TCP10L: variants seen among roughly 807,000 people sequenced by gnomAD.
TCP10L encodes the protein T-complex protein 10A homolog 1.
In TCP10L, 11 loss-of-function variants were observed where a neutral mutation model predicts 19.2. The observed-to-expected ratio is 0.57, with a 90% CI of 0.36 to 0.95. TCP10L has a LOEUF of 0.95. Among genes scored for constraint, TCP10L ranks in the 40% least tolerant of loss-of-function variants. The pLI is 0.01. For missense variants in TCP10L, 247 were observed against 263.9 expected (o/e 0.94, Z 0.44); for synonymous variants, 96 against 97.2 (o/e 0.99, Z 0.07).
At chr21:32,580,402 A>G (rs57204342) in intron 3 of TCP10L, among the ~76,000 whole-genome samples, 50,534 of 151,308 alleles carry the variant, frequency 0.33, 8,935 homozygotes, top group African/African-American at 0.45. Flanking sequence ...CACCGCGCCC[A>G]GCTGTGGCTG....
intron 3 of TCP10L, among the ~76,000 whole-genome samples, chr21:32,580,798 G>A (rs1227980492): frequency 3.3e-5 from 5 of 152,150 alleles, no homozygotes; most frequent in Non-Finnish European, 7.3e-5. Context: ...TTCTTTGAGC[G>A]GTGTGATCAA....
At chr21:32,579,737 T>G (rs2038471170) in intron 3 of TCP10L, among the ~76,000 whole-genome samples, 1 of 152,216 alleles carries the variant, frequency 6.6e-6, no homozygotes, top group South Asian at 2.1e-4. Flanking sequence ...AGGGTAATTG[T>G]TATACAATGA....
rs928265160 is a variant in TCP10L at position 32,582,106 on chromosome 21, T to C, written c.360+94A>G. 38 of 1,403,138 alleles carry C rather than the reference T, an allele frequency of 2.7e-5. No individual in the cohort carries two copies. Among genetic ancestry groups the C allele is most frequent in the African/African-American group, 5.7e-5 (4 of 70,074 alleles). The allele number at this position is 1,403,138 out of a possible 1,614,324, so 86.9% of individuals were successfully genotyped here. A position where few individuals can be genotyped will look rare whatever the true frequency, so the allele number is the denominator to read the frequency against. On this transcript the variant is annotated intron_variant, in intron 3 of 4. Coordinates refer to ENST00000300258, the MANE Select transcript of TCP10L (RefSeq NM_144659.7). The surrounding 1 kb of genome is among the most constrained non-coding windows in gnomAD (Gnocchi z 4.2). ...CTCCCACCACCCGGAGCGTGAGTGA[T>C]ACCGCGTCATTCAGCAATAAAGCCC...
At position 32,575,757 on chromosome 21, in the gene TCP10L, A is replaced by T. The variant is rs1193553112; in HGVS notation, c.*1017T>A. 6.5e-6 allele frequency: 1 copy of T among 153,232 alleles called. No homozygotes were observed. The highest frequency in any genetic ancestry group is 2.4e-5 in the African/African-American group (1 of 41,482). 9.5% of individuals were successfully genotyped at this position (153,232 alleles called of 1,614,324 possible). On this transcript the variant is annotated 3_prime_UTR_variant, in exon 5 of 5. Coordinates refer to ENST00000300258, the MANE Select transcript of TCP10L (RefSeq NM_144659.7). ...CTCGTCTCCTCCCCGTGAGACCCGC[A>T]ATGCAGGAAGCACCCACAGCTGCAT...
chr21:32,582,489 AG>A lies in TCP10L; in HGVS notation c.145-75del. 7.0e-7 allele frequency: 1 copy of A among 1,421,700 alleles called. No homozygotes were observed. The allele number at this position is 1,421,700 out of a possible 1,614,324, so 88.1% of individuals were successfully genotyped here. On this transcript the variant is annotated intron_variant, in intron 2 of 4. Coordinates refer to ENST00000300258, the MANE Select transcript of TCP10L (RefSeq NM_144659.7). The surrounding 1 kb of genome is among the most constrained non-coding windows in gnomAD (Gnocchi z 4.2). ...GGCACATTTATCTGCAAAATACTCA[AG>A]CCCTCTCTGATGTAAGACCAACACT...
chr21:32,576,382 C>CT lies in TCP10L; in HGVS notation c.*391dup. 1 of 1,156,164 alleles carries CT rather than the reference C, an allele frequency of 8.6e-7. No homozygotes were observed. The highest frequency in any genetic ancestry group is 1.2e-6 in the Non-Finnish European group (1 of 817,036). The allele number at this position is 1,156,164 out of a possible 1,614,324, so 71.6% of individuals were successfully genotyped here. The stretch of plus-strand genomic sequence containing the variant: ...ACAAGGTCCCTGGAGCGGGCAATGC[C>CT]TTGAGCCCAAAGGCTGGGAGCACAA... On this transcript the variant is annotated 3_prime_UTR_variant, in exon 5 of 5. Transcript: ENST00000300258.
rs764165842 is a variant in TCP10L at position 32,582,429 on chromosome 21, GAGAACACC to G, written c.145-22_145-15del. 8.1e-6 allele frequency: 13 copies of G among 1,603,380 alleles called. No homozygotes were observed. The highest frequency in any genetic ancestry group is 1.1e-5 in the Non-Finnish European group (13 of 1,176,682). On this transcript the variant is annotated splice_polypyrimidine_tract_variant and intron_variant, in intron 2 of 4. Coordinates refer to ENST00000300258, the MANE Select transcript of TCP10L (RefSeq NM_144659.7). This position sits in a 1 kb window ranked among gnomAD's most constrained non-coding sequence, Gnocchi z 4.2. ...CTGCTGTAATGGCTGTTATTGGGAA[GAGAACACC>G]AGAAAAACCTCTCAGATGTCACAAT...
chr21:32,577,830 G>C (rs2038451796), intron 4 of TCP10L, among the ~76,000 whole-genome samples: 1 of 152,228 alleles, frequency 6.6e-6, no homozygotes, highest in Non-Finnish European at 1.5e-5. Context: ...TCAGAGCTGA[G>C]AGCCGTGAAC....
In TCP10L at chr21:32,578,241, G is replaced by T. The variant is rs1328579570; in HGVS notation, c.498+453C>A. On this transcript the variant is annotated intron_variant, in intron 4 of 4. Transcript: ENST00000300258. The surrounding 1 kb of genome is among the most constrained non-coding windows in gnomAD (Gnocchi z 4.2). The stretch of plus-strand genomic sequence containing the variant: ...AAGAGACAAAATAGCATCCTGTACT[G>T]TGGCTCCCAAGCTAACAGCGCCACC... Among the ~76,000 whole-genome samples the T allele has an allele frequency of 6.6e-6, 1 of 152,236 alleles. No homozygotes were observed. Among genetic ancestry groups the T allele is most frequent in the African/African-American group, 2.4e-5 (1 of 41,468 alleles).
chr21:32,575,577 C>T lies in TCP10L; in HGVS notation c.*1197G>A. The T allele has an allele frequency of 6.6e-6, 1 of 152,616 alleles. No individual in the cohort carries two copies. Among genetic ancestry groups the T allele is most frequent in the East Asian group, 1.9e-4 (1 of 5,180 alleles). The allele number at this position is 152,616 out of a possible 1,614,324, so 9.5% of individuals were successfully genotyped here. The stretch of plus-strand genomic sequence containing the variant: ...GCTTGGGCTGTGCTGTGCATAAGGG[C>T]CACACCTGAAGCTCGGCCACACCTG... On this transcript the variant is annotated 3_prime_UTR_variant, in exon 5 of 5. Transcript: ENST00000300258.
Position 32,578,557 on chromosome 21 carries a change from T to A in TCP10L, c.498+137A>T. ...GTTTGAAAGGCATGTACCCGTGTCC[T>A]TGGAAGAACACAGGACTCCAGGGAG... On this transcript the variant is annotated intron_variant, in intron 4 of 4. Transcript: ENST00000300258. This position sits in a 1 kb window ranked among gnomAD's most constrained non-coding sequence, Gnocchi z 4.2. The A allele has an allele frequency of 7.5e-7, 1 of 1,341,852 alleles. No individual in the cohort carries two copies. The highest frequency in any genetic ancestry group is 1.0e-6 in the Non-Finnish European group (1 of 977,954). The allele number at this position is 1,341,852 out of a possible 1,614,324, so 83.1% of individuals were successfully genotyped here. A position where few individuals can be genotyped will look rare whatever the true frequency, so the allele number is the denominator to read the frequency against.
At chr21:32,579,763 A>G (rs1431613234) in intron 3 of TCP10L, among the ~76,000 whole-genome samples, 1 of 152,212 alleles carries the variant, frequency 6.6e-6, no homozygotes, top group Non-Finnish European at 1.5e-5. Context: ...ATGGGGCAGT[A>G]GATACTATTT....
At position 32,576,369 on chromosome 21, in the gene TCP10L, G is replaced by C; in HGVS notation, c.*405C>G. 1 of 1,293,770 alleles carries C rather than the reference G, an allele frequency of 7.7e-7. No individual in the cohort carries two copies. The highest frequency in any genetic ancestry group is 1.1e-6 in the Non-Finnish European group (1 of 930,142). The allele number at this position is 1,293,770 out of a possible 1,614,324, so 80.1% of individuals were successfully genotyped here. On this transcript the variant is annotated 3_prime_UTR_variant, in exon 5 of 5. Transcript: ENST00000300258. ...GGCCCGCCTTGTCACAAGGTCCCTG[G>C]AGCGGGCAATGCCTTGAGCCCAAAG... is the stretch of plus-strand genomic sequence containing the variant.
chr21:32,582,557 C>A lies in TCP10L; in HGVS notation c.145-142G>T. 2 of 691,052 alleles carry A rather than the reference C, an allele frequency of 2.9e-6. No individual in the cohort carries two copies. Among genetic ancestry groups the A allele is most frequent in the Non-Finnish European group, 2.4e-6 (1 of 417,034 alleles). 42.8% of individuals were successfully genotyped at this position (691,052 alleles called of 1,614,324 possible). ...ACACCCGATGAGATAAACAGGACTACCACAGCCTTTTTCTTTCTTCTTTCT... is the reference window on the plus strand; with the variant it reads ...ACACCCGATGAGATAAACAGGACTAACACAGCCTTTTTCTTTCTTCTTTCT... On this transcript the variant is annotated intron_variant, in intron 2 of 4. Coordinates refer to ENST00000300258, the MANE Select transcript of TCP10L (RefSeq NM_144659.7). The surrounding 1 kb of genome is among the most constrained non-coding windows in gnomAD (Gnocchi z 4.2).
chr21:32,578,677 T>C lies in TCP10L; in HGVS notation c.498+17A>G, dbSNP rs537075561. On this transcript the variant is annotated intron_variant, in intron 4 of 4. Transcript: ENST00000300258. The surrounding 1 kb of genome is among the most constrained non-coding windows in gnomAD (Gnocchi z 4.2). ...AACCTCTGCTTCTCTTTACAGATGA[T>C]AAGCACAAAGGGTCACCTTTGGAGG... 2.5e-6 allele frequency: 4 copies of C among 1,608,516 alleles called. No individual in the cohort carries two copies. In the Admixed American group the frequency reaches 5.1e-5, roughly 21 times the overall value.
At position 32,574,411 on chromosome 21, in the gene TCP10L, A is replaced by G. The variant is rs1568977727; in HGVS notation, c.*2363T>C. On this transcript the variant is annotated 3_prime_UTR_variant, in exon 5 of 5. Coordinates refer to ENST00000300258, the MANE Select transcript of TCP10L (RefSeq NM_144659.7). The stretch of plus-strand genomic sequence containing the variant: ...AAAGGCTGAACCTCAGGAAATAAAG[A>G]GACATTTGGAATCATCTTAATTTTC... Among the ~76,000 whole-genome samples, 2 of 152,222 alleles carry G rather than the reference A, an allele frequency of 1.3e-5. No individual in the cohort carries two copies. Among genetic ancestry groups the G allele is most frequent in the Admixed American group, 1.3e-4 (2 of 15,288 alleles).
chr21:32,583,586 C>A (rs1601127966), intron 2 of TCP10L, among the ~76,000 whole-genome samples: 1 of 87,754 alleles, frequency 1.1e-5, no homozygotes, highest in East Asian at 3.4e-4. Flanking sequence ...GAGACTCCGT[C>A]TCAAAAAAAA....
Position 32,582,600 on chromosome 21 carries a change from T to C in TCP10L, c.145-185A>G. The stretch of plus-strand genomic sequence containing the variant: ...TTCTTTCTTTCCTTTCTTTCTTTCT[T>C]TTCTTTTCTTTTTTCAGGGTCTCAC... On this transcript the variant is annotated intron_variant, in intron 2 of 4. Coordinates refer to ENST00000300258, the MANE Select transcript of TCP10L (RefSeq NM_144659.7). The surrounding 1 kb of genome is among the most constrained non-coding windows in gnomAD (Gnocchi z 4.2). Among the ~76,000 whole-genome samples the C allele has an allele frequency of 6.6e-6, 1 of 152,126 alleles. No homozygotes were observed. The highest frequency in any genetic ancestry group is 2.4e-5 in the African/African-American group (1 of 41,412).
chr21:32,577,010 G>T, intron 4 of TCP10L, 87 bp from the exon 5 acceptor site: 1 of 1,351,164 alleles, frequency 7.4e-7, no homozygotes, highest in Non-Finnish European at 1.0e-6. Flanking sequence ...AGCTATCACA[G>T]AATGTAGATG....
Sources: allele counts gnomAD v4.1 joint callset (sites outside exome capture counted in the v4.1 genomes callset), GRCh38; gene constraint gnomAD v4.1.1; non-coding constraint Gnocchi (gnomAD v3.1); transcripts MANE v1.5; gene names NCBI Gene and HGNC (gene_info 2026-07-23, HGNC 2026-07-21).